The following ZNF618 variants were observed in gnomAD, a reference collection of about 807,000 sequenced individuals.
ZNF618 encodes the protein neural precursor cell expressed, developmentally down-regulated 10.
Under a neutral mutation model 103.0 loss-of-function variants are expected in ZNF618, and 34 were observed. That is an observed-to-expected ratio of 0.33 (90% CI 0.25 to 0.44). The LOEUF is 0.44. Ranked by LOEUF, ZNF618 falls within the 20% of genes least tolerant of loss-of-function variation. The pLI, the probability that ZNF618 is intolerant of heterozygous loss-of-function variation, is 1.00. For missense variants in ZNF618, 1,059 were observed against 1,295.4 expected (o/e 0.82, Z 2.80); for synonymous variants, 551 against 542.2 (o/e 1.02, Z -0.23).
chr9:114,052,125 G>A lies in ZNF618; in HGVS notation c.*1958G>A, dbSNP rs1426922519. The A allele has an allele frequency of 6.5e-6, 1 of 152,698 alleles. No individual in the cohort carries two copies. Among genetic ancestry groups the A allele is most frequent in the Non-Finnish European group, 1.5e-5 (1 of 68,056 alleles). The allele number at this position is 152,698 out of a possible 1,614,324, so 9.5% of individuals were successfully genotyped here. A position where few individuals can be genotyped will look rare whatever the true frequency, so the allele number is the denominator to read the frequency against. On this transcript the variant is annotated 3_prime_UTR_variant, in exon 15 of 15. Transcript: ENST00000374126. The stretch of plus-strand genomic sequence containing the variant: ...ACTGTACCACAGCCCTCTCCCCCTG[G>A]GTCCATGACAGGAGCAGGGAGTAAA...
rs539033667 is a variant in ZNF618 at position 113,910,902 on chromosome 9, C to T, written c.33+34489C>T. ...CTGGAGTGCAGTGGCACAATCTCAG[C>T]TCATTGCAGCCTCTGCCTCCCAGGT... On this transcript the variant is annotated intron_variant, in intron 1 of 14. Coordinates refer to ENST00000374126, the MANE Select transcript of ZNF618 (RefSeq NM_001318042.2). Among the ~76,000 whole-genome samples, 9 of 152,074 alleles carry T rather than the reference C, an allele frequency of 5.9e-5. No individual in the cohort carries two copies. The East Asian group carries it at 1.7e-3, about 29-fold the overall frequency.
At chr9:113,994,003 A>T (rs1840323979) in intron 3 of ZNF618, among the ~76,000 whole-genome samples, 1 of 152,148 alleles carries the variant, frequency 6.6e-6, no homozygotes, top group Non-Finnish European at 1.5e-5. Flanking sequence ...GTGATCAGGG[A>T]GGGTCACTGG....
At chr9:114,009,424 A>G (rs1045781484) in intron 9 of ZNF618, among the ~76,000 whole-genome samples, 1 of 152,142 alleles carries the variant, frequency 6.6e-6, no homozygotes. Context: ...GTTTTTACTA[A>G]GTGGAGAAGG....
chr9:113,906,733 C>T (rs945573988), intron 1 of ZNF618, among the ~76,000 whole-genome samples: 15 of 152,176 alleles, frequency 9.9e-5, no homozygotes. Context: ...CCAGTTTATA[C>T]AACAAACCAT....
chr9:113,991,580 A>G (rs1840060346), intron 3 of ZNF618, among the ~76,000 whole-genome samples: 1 of 152,242 alleles, frequency 6.6e-6, no homozygotes, highest in African/African-American at 2.4e-5. Context: ...ATGCCTCTTC[A>G]AGAGGAAGGG....
intron 10 of ZNF618, among the ~76,000 whole-genome samples, chr9:114,019,593 G>A (rs1243161943): frequency 1.3e-5 from 2 of 152,200 alleles, no homozygotes; most frequent in African/African-American, 4.8e-5. Flanking sequence ...GATAACTAAT[G>A]ACGTTGAACA....
chr9:113,921,971 A>C (rs1181104496), intron 1 of ZNF618, among the ~76,000 whole-genome samples: 1 of 152,180 alleles, frequency 6.6e-6, no homozygotes, highest in African/African-American at 2.4e-5. Context: ...ATGAGCAAAA[A>C]GGAATAAAAA....
rs1377339288 is a variant in ZNF618, at chr9:114,026,666, A to G, written c.845-2067A>G. On this transcript the variant is annotated intron_variant, in intron 10 of 14. Transcript: ENST00000374126. The stretch of plus-strand genomic sequence containing the variant: ...CTCAGCACTAACTTTGTGTGTTGCC[A>G]TCAACAAACTTATTATGTCTGTGGC... 3.9e-5 allele frequency among the ~76,000 whole-genome samples: 6 copies of G among 152,246 alleles called. No individual in the cohort carries two copies. In the East Asian group the frequency reaches 1.2e-3, roughly 29 times the overall value.
intron 6 of ZNF618, 140 bp from the exon 7 acceptor site, chr9:114,007,209 TA>T: frequency 1.4e-6 from 1 of 690,770 alleles, no homozygotes. Flanking sequence ...TCCTCATGTG[TA>T]AAATGAGAGA....
intron 10 of ZNF618, among the ~76,000 whole-genome samples, chr9:114,020,380 A>G (rs575507703): frequency 3.5e-4 from 53 of 152,236 alleles, no homozygotes; most frequent in Non-Finnish European, 6.5e-4. Context: ...TTGGGATTCT[A>G]TTGAATCTGT....
rs927245021 is a variant in ZNF618 at position 113,964,867 on chromosome 9, T to C, written c.34-4250T>C. 7.3e-5 allele frequency among the ~76,000 whole-genome samples: 11 copies of C among 151,072 alleles called. No individual in the cohort carries two copies. The East Asian group carries it at 2.1e-3, about 29-fold the overall frequency. ...ATTAAGAATTTATGCTGGCTTGAAA[T>C]TTATGAAATATTTCAGCATGAAAGA... is the stretch of plus-strand genomic sequence containing the variant. On this transcript the variant is annotated intron_variant, in intron 1 of 14. Transcript: ENST00000374126.
chr9:113,950,350 C>T lies in ZNF618; in HGVS notation c.34-18767C>T, dbSNP rs555686734. Among the ~76,000 whole-genome samples, 15 of 152,298 alleles carry T rather than the reference C, an allele frequency of 9.8e-5. No individual in the cohort carries two copies. The South Asian group carries it at 2.3e-3, about 23-fold the overall frequency. The stretch of plus-strand genomic sequence containing the variant: ...TGGCTGTGTCTCTCATTGTCTCTCC[C>T]TGTCTCAACCACTTTCACCCTATTA... On this transcript the variant is annotated intron_variant, in intron 1 of 14. Transcript: ENST00000374126.
intron 1 of ZNF618, among the ~76,000 whole-genome samples, chr9:113,962,480 A>G (rs1836943357): frequency 1.3e-5 from 2 of 152,208 alleles, no homozygotes; most frequent in African/African-American, 4.8e-5. Flanking sequence ...GTGGCTTTCC[A>G]GAGTAGAAGC....
At chr9:113,995,735 C>T (rs558955787) in intron 3 of ZNF618, among the ~76,000 whole-genome samples, 5 of 152,264 alleles carry the variant, frequency 3.3e-5, no homozygotes, top group Non-Finnish European at 4.4e-5. Context: ...AGTTGGAAGT[C>T]ACCCGATTCA....
At chr9:114,017,502 C>T (rs906286205) in intron 10 of ZNF618, among the ~76,000 whole-genome samples, 1 of 152,206 alleles carries the variant, frequency 6.6e-6, no homozygotes, top group Non-Finnish European at 1.5e-5. Context: ...GGTCTCCATC[C>T]TCAGATCCCC....
In ZNF618 at chr9:114,048,887, A is replaced by G; in HGVS notation, c.1585A>G (p.Met529Val). Reference protein sequence around the residue: ...NTLALKHLPRMYNQVKVKVTC... With the variant: ...NTLALKHLPRVYNQVKVKVTC... Reference sequence around the variant, plus strand: ...GCTGGCGCTGAAGCACCTGCCACGCATGTACAACCAGGTGAAGGTGAAAGT... The same window carrying G: ...GCTGGCGCTGAAGCACCTGCCACGCGTGTACAACCAGGTGAAGGTGAAAGT... Residue 529 changes from methionine to valine, a missense_variant, in exon 15 of 15, where the codon ATG becomes GTG. This residue lies in a region of ZNF618 where 272 missense variants were observed against 380.1 expected (regional missense o/e 0.72). Coordinates refer to ENST00000374126, the MANE Select transcript of ZNF618 (RefSeq NM_001318042.2). 3 of 1,608,996 alleles carry G rather than the reference A, an allele frequency of 1.9e-6. No individual in the cohort carries two copies. The highest frequency in any genetic ancestry group is 2.5e-6 in the Non-Finnish European group (3 of 1,177,570).
chr9:113,906,014 T>G (rs1405011208), intron 1 of ZNF618, among the ~76,000 whole-genome samples: 1 of 152,196 alleles, frequency 6.6e-6, no homozygotes, highest in Non-Finnish European at 1.5e-5. Flanking sequence ...GTTTGATATA[T>G]TTCGATCAGT....
chr9:113,905,790 A>C (rs900012373), intron 1 of ZNF618, among the ~76,000 whole-genome samples: 12 of 152,118 alleles, frequency 7.9e-5, no homozygotes, highest in Non-Finnish European at 1.8e-4. Flanking sequence ...CCTCCCTTGC[A>C]TGTTTCACCT....
intron 2 of ZNF618, among the ~76,000 whole-genome samples, chr9:113,975,091 T>C (rs1838356271): frequency 6.6e-6 from 1 of 152,112 alleles, no homozygotes; most frequent in East Asian, 1.9e-4. Flanking sequence ...GGAGATAACA[T>C]GGGGTGGCAA....
Sources: allele counts gnomAD v4.1 joint callset (sites outside exome capture counted in the v4.1 genomes callset), GRCh38; gene constraint gnomAD v4.1.1; regional missense constraint gnomAD v4.1.1; transcripts MANE v1.5; gene names NCBI Gene and HGNC (gene_info 2026-07-23, HGNC 2026-07-21).